The following DNAH8 variants were observed in gnomAD, a reference collection of about 807,000 sequenced individuals.
DNAH8 encodes the protein axonemal beta dynein heavy chain 8.
A neutral mutation model predicts 562.1 loss-of-function variants in DNAH8; 382 were observed. That is an observed-to-expected ratio of 0.68 (90% CI 0.63 to 0.74). The LOEUF (loss-of-function observed/expected upper bound fraction) is 0.74. Ranked by LOEUF, DNAH8 falls within the 30% of genes least tolerant of loss-of-function variation. DNAH8 has a pLI of 0.00. For synonymous variants in DNAH8, 1,881 were observed against 1,919.4 expected, an observed-to-expected ratio of 0.98 and a Z score of 0.52; for missense variants, 5,203 against 5,620.4, an observed-to-expected ratio of 0.93 and a Z score of 2.37.
chr6:38,858,611 A>G (rs558457629), intron 42 of DNAH8, among the ~76,000 whole-genome samples: 1 of 152,256 alleles, frequency 6.6e-6, no homozygotes, highest in South Asian at 2.1e-4. Context: ...CCCTCCTCCC[A>G]TCCAAGACCT....
chr6:38,863,930 C>G lies in DNAH8; in HGVS notation c.6368C>G (p.Pro2123Arg). Residue 2123 changes from proline to arginine, a missense_variant, in exon 45 of 93, where the codon CCT becomes CGT. Around this residue, in one of 6 missense-constraint regions of DNAH8, gnomAD observed 2,176 missense variants for 2,365.1 expected, o/e 0.92. Transcript: ENST00000327475. Reference sequence around the variant, plus strand: ...GATGAGTTTAACAGAATTGAATTGCCTGTATTATCAGTGGCAGCACAACAA... The same window carrying G: ...GATGAGTTTAACAGAATTGAATTGCGTGTATTATCAGTGGCAGCACAACAA... The part of the protein sequence containing the change: ...CFDEFNRIEL[P>R]VLSVAAQQIY... The G allele has an allele frequency of 6.2e-7, 1 of 1,612,138 alleles. No individual in the cohort carries two copies. Among genetic ancestry groups the G allele is most frequent in the South Asian group, 1.1e-5 (1 of 90,160 alleles).
chr6:38,997,450 G>A (rs1341552272), intron 88 of DNAH8, among the ~76,000 whole-genome samples: 1 of 152,188 alleles, frequency 6.6e-6, no homozygotes, highest in Non-Finnish European at 1.5e-5. Flanking sequence ...GACATTGCTT[G>A]TCTGGGAGCT....
intron 32 of DNAH8, among the ~76,000 whole-genome samples, chr6:38,836,354 G>A (rs1483934101): frequency 6.6e-6 from 1 of 151,918 alleles, no homozygotes; most frequent in Non-Finnish European, 1.5e-5. Context: ...GGCTGAGGCA[G>A]GAGAATTGCT....
intron 3 of DNAH8, among the ~76,000 whole-genome samples, chr6:38,725,416 T>A (rs565733722): frequency 8.5e-5 from 13 of 152,060 alleles, no homozygotes; most frequent in Non-Finnish European, 1.6e-4. Context: ...CCAGTATCCT[T>A]ATAAGAATGT....
rs1456720805 is a variant in DNAH8, at chr6:38,923,061, T to C, written c.10666T>C (p.Leu3556=). ...FDAAMNEKMD[L]LNDADTCRKK... ...CATTCTCCCATTATGGCTGCAGGAT[T>C]TGCTTAATGACGCTGATACGTGCCG... Residue 3556 remains leucine, a synonymous_variant, in exon 72 of 93, where the codon TTG becomes CTG. Coordinates refer to ENST00000327475, the MANE Select transcript of DNAH8 (RefSeq NM_001206927.2). 6.2e-7 allele frequency: 1 copy of C among 1,612,406 alleles called. No homozygotes were observed. The highest frequency in any genetic ancestry group is 8.5e-7 in the Non-Finnish European group (1 of 1,179,396).
intron 21 of DNAH8, among the ~76,000 whole-genome samples, chr6:38,792,530 A>T (rs901851042): frequency 2.6e-5 from 4 of 152,154 alleles, no homozygotes; most frequent in Admixed American, 2.0e-4. Flanking sequence ...ACCCTGACAC[A>T]TCCATCCACA....
Position 38,745,357 on chromosome 6 carries a change from G to A in DNAH8, c.1293+3470G>A, listed in dbSNP as rs572641688. ...AGGCTAATGCATTAACTTCTAAGCA[G>A]GGTAAAATCCCAGACCCCCATATGC... On this transcript the variant is annotated intron_variant, in intron 8 of 92. Transcript: ENST00000327475. Among the ~76,000 whole-genome samples, 38 of 152,290 alleles carry A rather than the reference G, an allele frequency of 2.5e-4. No homozygotes were observed. In the South Asian group the frequency reaches 7.7e-3, roughly 31 times the overall value.
intron 85 of DNAH8, among the ~76,000 whole-genome samples, chr6:38,976,638 T>C (rs961606184): frequency 6.6e-6 from 1 of 152,218 alleles, no homozygotes; most frequent in African/African-American, 2.4e-5. Context: ...TGTACCAAGA[T>C]ACCTACATGA....
intron 53 of DNAH8, among the ~76,000 whole-genome samples, chr6:38,876,340 G>C (rs567442004): frequency 7.2e-6 from 1 of 138,974 alleles, no homozygotes; most frequent in South Asian, 2.6e-4. Flanking sequence ...TGAACTTGGT[G>C]CTTTCATCCA....
rs577565348 is a variant in DNAH8, at chr6:38,785,605, A to G, written c.2396-1160A>G. On this transcript the variant is annotated intron_variant, in intron 17 of 92. Coordinates refer to ENST00000327475, the MANE Select transcript of DNAH8 (RefSeq NM_001206927.2). ...ATTTTAAGCCCCGCATGCATTAGGTACTTTGTCCTAATACTTTCCCTCCCC... is the reference window on the plus strand; with the variant it reads ...ATTTTAAGCCCCGCATGCATTAGGTGCTTTGTCCTAATACTTTCCCTCCCC... 2.0e-5 allele frequency among the ~76,000 whole-genome samples: 3 copies of G among 152,118 alleles called. No individual in the cohort carries two copies. In the South Asian group the frequency reaches 6.2e-4, roughly 32 times the overall value.
intron 9 of DNAH8, among the ~76,000 whole-genome samples, chr6:38,752,176 C>T (rs982451430): frequency 6.6e-6 from 1 of 151,916 alleles, no homozygotes; most frequent in Non-Finnish European, 1.5e-5. Flanking sequence ...CCCACCCCAC[C>T]ACCCCGGGAT....
At chr6:38,796,135 G>A (rs981976787) in intron 21 of DNAH8, among the ~76,000 whole-genome samples, 2 of 152,294 alleles carry the variant, frequency 1.3e-5, no homozygotes, top group East Asian at 3.9e-4. Flanking sequence ...TTTGCCTCCT[G>A]TTCCTGACAC....
intron 17 of DNAH8, among the ~76,000 whole-genome samples, chr6:38,784,307 T>G (rs563641856): frequency 1.3e-5 from 2 of 152,314 alleles, no homozygotes; most frequent in Non-Finnish European, 2.9e-5. Flanking sequence ...TTTTAACAAC[T>G]GAAGCATATA....
At chr6:38,720,636 G>C (rs1762678545) in intron 1 of DNAH8, among the ~76,000 whole-genome samples, 1 of 152,168 alleles carries the variant, frequency 6.6e-6, no homozygotes, top group Admixed American at 6.5e-5. Flanking sequence ...AAACCAGCCA[G>C]ACAGAGAAGA....
In DNAH8 at chr6:38,972,609, G is replaced by T. The variant is rs16891346; in HGVS notation, c.12525+944G>T. On this transcript the variant is annotated intron_variant, in intron 83 of 92. Coordinates refer to ENST00000327475, the MANE Select transcript of DNAH8 (RefSeq NM_001206927.2). Reference sequence around the variant, plus strand: ...GGTGCAAAACTTTAATTTAAATACGGTGTTCATGTTAACTGTCTTTGGAAT... The same window carrying T: ...GGTGCAAAACTTTAATTTAAATACGTTGTTCATGTTAACTGTCTTTGGAAT... Among the ~76,000 whole-genome samples the T allele has an allele frequency of 0.011, 1,696 of 152,054 alleles. 111 individuals carry two copies. In the East Asian group the frequency reaches 0.16, roughly 14 times the overall value.
At chr6:38,812,143 T>C (rs543105017) in intron 24 of DNAH8, among the ~76,000 whole-genome samples, 1 of 152,278 alleles carries the variant, frequency 6.6e-6, no homozygotes, top group Admixed American at 6.5e-5. Flanking sequence ...CCATCCCTCA[T>C]TGAGTCCTGT....
chr6:38,989,353 T>C (rs1464812712), intron 87 of DNAH8, among the ~76,000 whole-genome samples: 1 of 152,208 alleles, frequency 6.6e-6, no homozygotes, highest in Admixed American at 6.5e-5. Flanking sequence ...TGAGAATAAG[T>C]CTATTCACAC....
At chr6:39,013,079 G>A (rs1477370171) in intron 91 of DNAH8, among the ~76,000 whole-genome samples, 1 of 152,166 alleles carries the variant, frequency 6.6e-6, no homozygotes, top group African/African-American at 2.4e-5. Context: ...CTTCAGGGGG[G>A]TCTTCCCCCA....
chr6:38,955,240 T>C (rs1192767627), intron 82 of DNAH8, among the ~76,000 whole-genome samples: 2 of 152,144 alleles, frequency 1.3e-5, no homozygotes, highest in Non-Finnish European at 2.9e-5. Flanking sequence ...TCCTAAAGTG[T>C]TGGGATTACA....
Sources: allele counts gnomAD v4.1 joint callset (sites outside exome capture counted in the v4.1 genomes callset), GRCh38; gene constraint gnomAD v4.1.1; regional missense constraint gnomAD v4.1.1; transcripts MANE v1.5; gene names NCBI Gene and HGNC (gene_info 2026-07-23, HGNC 2026-07-21).